The following MICAL3 variants were observed in gnomAD, a reference collection of about 807,000 sequenced individuals.
The protein encoded by MICAL3 is [F-actin]-monooxygenase MICAL3.
A neutral mutation model predicts 207.4 loss-of-function variants in MICAL3; 62 were observed. The observed-to-expected ratio is 0.30, with a 90% CI of 0.24 to 0.37. The LOEUF (loss-of-function observed/expected upper bound fraction) is 0.37, where lower values mean the gene tolerates loss of function less well. Ranked by LOEUF, MICAL3 falls within the 10% of genes least tolerant of loss-of-function variation. The probability of loss-of-function intolerance (pLI) is 1.00; values close to 1 mark genes in which losing one functional copy is unlikely to be tolerated. For missense variants in MICAL3, 2,368 were observed against 2,635.6 expected, an observed-to-expected ratio of 0.90 and a Z score of 2.22; for synonymous variants, 1,077 against 1,069.3, an observed-to-expected ratio of 1.01 and a Z score of -0.14.
Position 17,904,786 on chromosome 22 carries a change from G to A in MICAL3, c.318C>T (p.Ser106=). Reference sequence around the variant, plus strand: ...TAACAACCACCTTGGCCCCCAGTAAGGATAAGTCGATGGCTGTACGGAGAC... The same window carrying A: ...TAACAACCACCTTGGCCCCCAGTAAAGATAAGTCGATGGCTGTACGGAGAC... ...PCGLRTAIDL[S]LLGAKVVVIE... is the part of the protein sequence containing the mutation. The change falls in exon 3 of 32, where the codon TCC becomes TCT. Residue 106 remains serine (S), a synonymous_variant. Coordinates refer to ENST00000441493, the MANE Select transcript of MICAL3 (RefSeq NM_015241.3). The A allele has an allele frequency of 1.2e-6, 2 of 1,614,008 alleles. No homozygotes were observed. Among genetic ancestry groups the A allele is most frequent in the Non-Finnish European group, 8.5e-7 (1 of 1,179,886 alleles).
intron 1 of MICAL3, among the ~76,000 whole-genome samples, chr22:18,008,124 C>T (rs1923518475): frequency 2.0e-5 from 3 of 151,720 alleles, no homozygotes; most frequent in Non-Finnish European, 2.9e-5. Flanking sequence ...CCTGTGATCC[C>T]AGCTACTCAG....
intron 16 of MICAL3, among the ~76,000 whole-genome samples, chr22:17,874,054 A>C (rs1928005463): frequency 6.6e-6 from 1 of 152,232 alleles, no homozygotes; most frequent in Admixed American, 6.5e-5. Flanking sequence ...GAAGAAACAC[A>C]GAAGCACCGG....
chr22:18,003,966 C>T (rs926120242), intron 1 of MICAL3, among the ~76,000 whole-genome samples: 2 of 152,158 alleles, frequency 1.3e-5, no homozygotes, highest in Non-Finnish European at 2.9e-5. Context: ...GACAGGGTTT[C>T]GCCATGTTGG....
intron 17 of MICAL3, among the ~76,000 whole-genome samples, chr22:17,871,340 G>C (rs923144473): frequency 8.5e-5 from 13 of 152,202 alleles, no homozygotes; most frequent in South Asian, 2.1e-4. Flanking sequence ...CAATCCACCA[G>C]AGAGAGATCA....
At chr22:17,948,310 G>C (rs559306994) in intron 1 of MICAL3, among the ~76,000 whole-genome samples, 4 of 152,208 alleles carry the variant, frequency 2.6e-5, no homozygotes, top group African/African-American at 7.2e-5. Flanking sequence ...TCTCCAGCTG[G>C]AATCCCAAGA....
At chr22:18,008,039 G>A (rs187010231) in intron 1 of MICAL3, among the ~76,000 whole-genome samples, 126 of 151,110 alleles carry the variant, frequency 8.3e-4, no homozygotes, top group African/African-American at 2.7e-3. Context: ...TCAGGAGTTC[G>A]AGACCAGCCT....
chr22:17,872,762 T>C (rs746133648), intron 16 of MICAL3: 1 of 1,609,654 alleles, frequency 6.2e-7, no homozygotes, highest in East Asian at 2.2e-5. Flanking sequence ...CCTTCTTGTC[T>C]AGAAGGGCTT....
chr22:17,863,051 C>G, intron 19 of MICAL3: 1 of 985,428 alleles, frequency 1.0e-6, no homozygotes, highest in African/African-American at 1.7e-5. Flanking sequence ...CATCCTCTCT[C>G]CCCACTATGT....
At chr22:17,982,061 C>G (rs1935933532) in intron 1 of MICAL3, among the ~76,000 whole-genome samples, 1 of 151,880 alleles carries the variant, frequency 6.6e-6, no homozygotes, top group Non-Finnish European at 1.5e-5. Context: ...GCCGAGACTG[C>G]ACCACTGCAC....
intron 1 of MICAL3, among the ~76,000 whole-genome samples, chr22:17,987,555 G>C (rs1324090966): frequency 6.6e-6 from 1 of 152,214 alleles, no homozygotes. Context: ...AGGTGTGTGG[G>C]TGCAGAGACG....
intron 1 of MICAL3, among the ~76,000 whole-genome samples, chr22:17,971,817 G>A (rs1007808872): frequency 3.9e-5 from 6 of 152,226 alleles, no homozygotes; most frequent in Non-Finnish European, 5.9e-5. Context: ...TATCCAGCCC[G>A]ACCCGGGAGG....
At chr22:17,930,330 T>G (rs1448535671) in intron 1 of MICAL3, among the ~76,000 whole-genome samples, 1 of 152,258 alleles carries the variant, frequency 6.6e-6, no homozygotes, top group Non-Finnish European at 1.5e-5. Flanking sequence ...GATGAATGTC[T>G]TATGTTAGCC....
chr22:17,814,004 A>G (rs2062076185), intron 27 of MICAL3: 2 of 152,268 alleles, frequency 1.3e-5, no homozygotes, highest in Non-Finnish European at 2.9e-5. Flanking sequence ...TTTTAAATAA[A>G]AAATAAGTAT....
At chr22:17,951,374 T>C (rs914813223) in intron 1 of MICAL3, among the ~76,000 whole-genome samples, 1 of 151,988 alleles carries the variant, frequency 6.6e-6, no homozygotes, top group Non-Finnish European at 1.5e-5. Flanking sequence ...TACCTTACTA[T>C]TGTCGGTGAA....
intron 1 of MICAL3, among the ~76,000 whole-genome samples, chr22:17,966,572 T>A (rs1935153223): frequency 6.6e-6 from 1 of 152,162 alleles, no homozygotes; most frequent in African/African-American, 2.4e-5. Context: ...GCAGAGGGCT[T>A]CAGAGCACAG....
intron 1 of MICAL3, among the ~76,000 whole-genome samples, chr22:18,000,655 C>G (rs914164276): frequency 2.0e-5 from 3 of 152,238 alleles, no homozygotes; most frequent in Non-Finnish European, 4.4e-5. Flanking sequence ...CCATGTGCCC[C>G]GGAGACCTCC....
At chr22:18,011,265 G>T (rs149510462) in intron 1 of MICAL3, among the ~76,000 whole-genome samples, 2 of 152,240 alleles carry the variant, frequency 1.3e-5, no homozygotes, top group Non-Finnish European at 2.9e-5. Context: ...AGAGAAGCTG[G>T]CTGGGCGCAG....
chr22:18,022,409 C>T (rs1924540712), intron 1 of MICAL3, among the ~76,000 whole-genome samples: 1 of 150,324 alleles, frequency 6.7e-6, no homozygotes, highest in Non-Finnish European at 1.5e-5. Flanking sequence ...GTGACTACTG[C>T]ATTCCGACCT....
intron 25 of MICAL3, among the ~76,000 whole-genome samples, chr22:17,819,867 C>T (rs994661418): frequency 7.0e-6 from 1 of 142,134 alleles, no homozygotes; most frequent in Non-Finnish European, 1.5e-5. Flanking sequence ...GGCGTGAACC[C>T]GGGAGGTGGA....
Sources: allele counts gnomAD v4.1 joint callset (sites outside exome capture counted in the v4.1 genomes callset), GRCh38; gene constraint gnomAD v4.1.1; transcripts MANE v1.5; gene names NCBI Gene and HGNC (gene_info 2026-07-23, HGNC 2026-07-21).